Variants in PLA2G4D observed in about 807,000 individuals in gnomAD.
PLA2G4D encodes the protein phospholipase A2 group IVD.
In PLA2G4D, 80 loss-of-function variants were observed where a neutral mutation model predicts 94.4. The ratio of observed to expected loss-of-function variants is 0.85; its 90% CI spans 0.71 to 1.02. The LOEUF (loss-of-function observed/expected upper bound fraction) is 1.02, where lower values mean the gene tolerates loss of function less well. Among genes scored for constraint, PLA2G4D ranks in the 50% least tolerant of loss-of-function variants. PLA2G4D has a pLI of 0.00. For synonymous variants in PLA2G4D, 438 were observed against 440.9 expected (o/e 0.99, Z 0.08); for missense variants, 1,050 against 1,034.7 (o/e 1.01, Z -0.20).
At chr15:42,071,056 C>T (rs1207812659) in intron 17 of PLA2G4D, 67 bp downstream of exon 17, 5 of 1,576,636 alleles carry the variant, frequency 3.2e-6, no homozygotes, top group Non-Finnish European at 4.3e-6. Flanking sequence ...TAGGCCTCAG[C>T]CAGTCCCTGC....
At chr15:42,072,580 G>A (rs1167201822) in intron 13 of PLA2G4D, among the ~76,000 whole-genome samples, 188 bp from the exon 14 acceptor site, 1 of 152,152 alleles carries the variant, frequency 6.6e-6, no homozygotes, top group African/African-American at 2.4e-5. Context: ...CCTAGATGCA[G>A]GGTCGCTGGA....
chr15:42,075,868 C>G (rs1889910536), intron 13 of PLA2G4D, among the ~76,000 whole-genome samples: 1 of 125,226 alleles, frequency 8.0e-6, no homozygotes, highest in African/African-American at 3.0e-5. Flanking sequence ...GCCTGGGTGA[C>G]AGAGCAAGAC....
chr15:42,082,366 A>C lies in PLA2G4D; in HGVS notation c.696T>G (p.Asn232Lys). Residue 232 changes from asparagine to lysine, a missense_variant, in exon 9 of 20, where the codon AAT becomes AAG. By Grantham distance (94) the Asn-to-Lys change is moderately conservative (BLOSUM62 0). Coordinates refer to ENST00000290472, the MANE Select transcript of PLA2G4D (RefSeq NM_178034.4). ...RLRSSRSNGW[N>K]GDNSAGYLTV... The stretch of plus-strand genomic sequence containing the variant: ...TGAGGTACCCAGCTGAGTTGTCCCC[A>C]TTCCAGCCATTGCTTCTGGAGCTCT... The C allele has an allele frequency of 6.2e-7, 1 of 1,614,108 alleles. No individual in the cohort carries two copies. The highest frequency in any genetic ancestry group is 8.5e-7 in the Non-Finnish European group (1 of 1,179,986).
chr15:42,075,231 C>T (rs1284520819), intron 13 of PLA2G4D, among the ~76,000 whole-genome samples: 1 of 152,218 alleles, frequency 6.6e-6, no homozygotes, highest in African/African-American at 2.4e-5. Flanking sequence ...GTCTATAAAG[C>T]TTGCACATAA....
chr15:42,072,422 G>A, intron 13 of PLA2G4D, 30 bp from the exon 14 acceptor site: 2 of 1,571,812 alleles, frequency 1.3e-6, no homozygotes, highest in Non-Finnish European at 8.7e-7. Flanking sequence ...GGGCCTAAGT[G>A]AGGCTGGGAG....
chr15:42,081,138 A>C lies in PLA2G4D; in HGVS notation c.958-5T>G, dbSNP rs1890028436. 2 of 1,613,136 alleles carry C rather than the reference A, an allele frequency of 1.2e-6. No homozygotes were observed. The highest frequency in any genetic ancestry group is 1.3e-5 in the African/African-American group (1 of 75,028). On this transcript the variant is annotated splice_region_variant and splice_polypyrimidine_tract_variant and intron_variant, in intron 11 of 19. Transcript: ENST00000290472. ...CATGATGCCCACAACGGGTACCTGG[A>C]CCACACACAGACAGGCTGGATTAAC...
chr15:42,079,320 T>C (rs528995542), intron 13 of PLA2G4D, among the ~76,000 whole-genome samples: 3 of 152,258 alleles, frequency 2.0e-5, no homozygotes, highest in Non-Finnish European at 4.4e-5. Flanking sequence ...CATCGACTCA[T>C]TCCCAGCTTT....
chr15:42,087,091 G>C lies in PLA2G4D; in HGVS notation c.255+209C>G, dbSNP rs528376308. Among the ~76,000 whole-genome samples the C allele has an allele frequency of 9.2e-5, 14 of 152,256 alleles. No homozygotes were observed. In the East Asian group the frequency reaches 2.7e-3, roughly 29 times the overall value. ...GCTTCGAGAGGAACCCAGCTTGTGG[G>C]AGTCAGTCCCACAGCCAGTTGGTGA... On this transcript the variant is annotated intron_variant, in intron 3 of 19. Coordinates refer to ENST00000290472, the MANE Select transcript of PLA2G4D (RefSeq NM_178034.4).
chr15:42,069,758 G>A, intron 19 of PLA2G4D, 151 bp downstream of exon 19: 1 of 639,432 alleles, frequency 1.6e-6, no homozygotes. Flanking sequence ...AGGCCAGGGT[G>A]GGCTCCAAGG....
Position 42,078,117 on chromosome 15 carries a change from C to T in PLA2G4D, c.1317+1420G>A, listed in dbSNP as rs572414025. Among the ~76,000 whole-genome samples the T allele has an allele frequency of 3.8e-4, 58 of 152,366 alleles. 1 individual carries two copies. The South Asian group carries it at 0.012, about 32-fold the overall frequency. On this transcript the variant is annotated intron_variant, in intron 13 of 19. Coordinates refer to ENST00000290472, the MANE Select transcript of PLA2G4D (RefSeq NM_178034.4). ...TGTCCCTGAGCTGCTGCTCTGGACACACTGCTGATGGGTGGCCCTGCTCTG... is the reference window on the plus strand; with the variant it reads ...TGTCCCTGAGCTGCTGCTCTGGACATACTGCTGATGGGTGGCCCTGCTCTG...
At position 42,081,060 on chromosome 15, in the gene PLA2G4D, G is replaced by A; in HGVS notation, c.1031C>T (p.Ala344Val). ...AMTSLYGHLL[A>V]LQKLGLLDCV... The stretch of plus-strand genomic sequence containing the variant: ...GTCTAGGAGGCCCAGCTTCTGCAAG[G>A]CCAATAGGTGGCCGTAGAGTGAGGT... Residue 344 changes from alanine (A) to valine (V), a missense_variant, in exon 12 of 20, where the codon GCC (alanine) becomes GTC (valine). Coordinates refer to ENST00000290472, the MANE Select transcript of PLA2G4D (RefSeq NM_178034.4). 6.2e-7 allele frequency: 1 copy of A among 1,614,176 alleles called. No individual in the cohort carries two copies. Among genetic ancestry groups the A allele is most frequent in the Non-Finnish European group, 8.5e-7 (1 of 1,180,032 alleles).
chr15:42,082,475 T>C lies in PLA2G4D; in HGVS notation c.673-86A>G, dbSNP rs77229215. 8.9e-3 allele frequency: 7,423 copies of C among 838,078 alleles called. 145 individuals carry two copies. The highest frequency in any genetic ancestry group is 0.055 in the African/African-American group (3,234 of 59,100). 51.9% of individuals were successfully genotyped at this position (838,078 alleles called of 1,614,324 possible). A position where few individuals can be genotyped will look rare whatever the true frequency, so the allele number is the denominator to read the frequency against. ...CTAGACTACAATCCAGACAGACACATTCTCCCTGATAATACAGAATATTAT... is the reference window on the plus strand; with the variant it reads ...CTAGACTACAATCCAGACAGACACACTCTCCCTGATAATACAGAATATTAT... On this transcript the variant is annotated intron_variant, in intron 8 of 19. Transcript: ENST00000290472.
chr15:42,090,015 G>A (rs757188492), intron 1 of PLA2G4D, among the ~76,000 whole-genome samples: 29 of 152,172 alleles, frequency 1.9e-4, no homozygotes, highest in Non-Finnish European at 3.4e-4. Flanking sequence ...CTAACATGGA[G>A]TGCCCAGAAC....
intron 13 of PLA2G4D, among the ~76,000 whole-genome samples, chr15:42,076,128 C>T (rs2141095581): frequency 6.6e-6 from 1 of 151,610 alleles, no homozygotes; most frequent in Non-Finnish European, 1.5e-5. Flanking sequence ...ATAGGGCACT[C>T]AGGAAGAGTC....
In PLA2G4D at chr15:42,088,250, C is replaced by T. The variant is rs117799515; in HGVS notation, c.46-550G>A. On this transcript the variant is annotated intron_variant, in intron 1 of 19. Coordinates refer to ENST00000290472, the MANE Select transcript of PLA2G4D (RefSeq NM_178034.4). ...TGTAAGGGGTATGAATGAGGAAACTCCAAGAGCATCCAGCCATCACAGGGA... is the reference window on the plus strand; with the variant it reads ...TGTAAGGGGTATGAATGAGGAAACTTCAAGAGCATCCAGCCATCACAGGGA... Among the ~76,000 whole-genome samples the T allele has an allele frequency of 2.8e-3, 423 of 152,338 alleles. 2 individuals carry two copies. The highest frequency in any genetic ancestry group is 0.02 in the East Asian group (102 of 5,184).
rs751851843 is a variant in PLA2G4D at position 42,070,895 on chromosome 15, C to T, written c.1877-12G>A. 7.5e-6 allele frequency: 12 copies of T among 1,608,046 alleles called. No homozygotes were observed. Among genetic ancestry groups the T allele is most frequent in the Middle Eastern group, 1.7e-4 (1 of 6,002 alleles). On this transcript the variant is annotated splice_polypyrimidine_tract_variant and intron_variant, in intron 17 of 19. Transcript: ENST00000290472. ...GTCAAGCTGGTAGTCTGGTGGGAAT[C>T]GCAGGATGGTCAGAGGCCACCACCC... is the stretch of plus-strand genomic sequence containing the variant.
Position 42,086,210 on chromosome 15 carries a change from C to CCCCCCCGGGGG in PLA2G4D, c.387+2_387+3insCCCCCGGGGGG. On this transcript the variant is annotated splice_region_variant and intron_variant, in intron 4 of 19. Coordinates refer to ENST00000290472, the MANE Select transcript of PLA2G4D (RefSeq NM_178034.4). ...ACGGGGACTTCCCCACCCACCCACCCACCTGGGGACTCTGGGAGAAGGTTT... is the reference window on the plus strand; with the variant it reads ...ACGGGGACTTCCCCACCCACCCACCCCCCCCCGGGGGACCTGGGGACTCTGGGAGAAGGTTT... 2 of 1,442,554 alleles carry CCCCCCCGGGGG rather than the reference C, an allele frequency of 1.4e-6. No homozygotes were observed. Among genetic ancestry groups the CCCCCCCGGGGG allele is most frequent in the Non-Finnish European group, 1.9e-6 (2 of 1,069,976 alleles). 89.4% of individuals were successfully genotyped at this position (1,442,554 alleles called of 1,614,324 possible). A position where few individuals can be genotyped will look rare whatever the true frequency, so the allele number is the denominator to read the frequency against.
intron 13 of PLA2G4D, among the ~76,000 whole-genome samples, chr15:42,073,135 G>A (rs1189629238): frequency 6.6e-6 from 1 of 152,136 alleles, no homozygotes; most frequent in Non-Finnish European, 1.5e-5. Flanking sequence ...CCCGAGTAGA[G>A]TAGCTGGGAC....
At chr15:42,069,053 C>G in intron 19 of PLA2G4D, 112 bp from the exon 20 acceptor site, 2 of 848,510 alleles carry the variant, frequency 2.4e-6, no homozygotes, top group Non-Finnish European at 3.6e-6. Flanking sequence ...TTCCTCCCAG[C>G]TCTCTGTGTC....
Sources: gnomAD v4.1 joint callset for allele counts (sites outside exome capture counted in the v4.1 genomes callset) on GRCh38, gnomAD v4.1.1 for gene constraint, MANE v1.5 for transcripts, NCBI Gene and HGNC (gene_info 2026-07-23, HGNC 2026-07-21) for gene names.